Variants in VAMP8 observed in about 807,000 individuals in gnomAD.
The protein encoded by VAMP8 is vesicle associated membrane protein 8.
A neutral mutation model predicts 11.4 loss-of-function variants in VAMP8; 9 were observed. The ratio of observed to expected loss-of-function variants is 0.79; its 90% CI spans 0.48 to 1.38. The LOEUF (loss-of-function observed/expected upper bound fraction) is 1.38, where lower values mean the gene tolerates loss of function less well. Ranked by LOEUF, VAMP8 falls within the 40% of genes most tolerant of loss-of-function variation. The pLI, the probability that VAMP8 is intolerant of heterozygous loss-of-function variation, is 0.00. For synonymous variants in VAMP8, 42 were observed against 44.7 expected (o/e 0.94, Z 0.24); for missense variants, 108 against 127.8 (o/e 0.85, Z 0.75).
intron 2 of VAMP8, 105 bp from the exon 3 acceptor site, chr2:85,581,471 C>CA (rs11326680): frequency 0.037 from 45,764 of 1,236,446 alleles, 1 homozygote; most frequent in Non-Finnish European, 0.039. Context: ...GACTCCATCT[C>CA]AAAAAAAAAA....
chr2:85,579,671 C>G (rs1004433308), intron 2 of VAMP8: 1 of 1,518,026 alleles, frequency 6.6e-7, no homozygotes, highest in Non-Finnish European at 8.9e-7. Flanking sequence ...ATCCCAGGGT[C>G]CCCTGCTAGA....
intron 2 of VAMP8, among the ~76,000 whole-genome samples, chr2:85,580,231 C>T (rs1672347112): frequency 6.6e-6 from 1 of 152,126 alleles, no homozygotes; most frequent in Admixed American, 6.5e-5. Flanking sequence ...GGATTACAGA[C>T]TTGAGCCACC....
rs768980708 is a variant in VAMP8, at chr2:85,581,849, C to T, written c.*133C>T. ...GTCCTCCTACCCCTCTTCCCGAGGCCCTGCTGCCATGTTGTATGCCCCAGA... is the reference window on the plus strand; with the variant it reads ...GTCCTCCTACCCCTCTTCCCGAGGCTCTGCTGCCATGTTGTATGCCCCAGA... On this transcript the variant is annotated 3_prime_UTR_variant, in exon 3 of 3. Transcript: ENST00000263864. The T allele has an allele frequency of 2.4e-6, 3 of 1,274,396 alleles. No homozygotes were observed. Among genetic ancestry groups the T allele is most frequent in the Non-Finnish European group, 3.3e-6 (3 of 916,798 alleles). 78.9% of individuals were successfully genotyped at this position (1,274,396 alleles called of 1,614,324 possible).
At chr2:85,581,085 G>A (rs1226656591) in intron 2 of VAMP8, among the ~76,000 whole-genome samples, 2 of 152,222 alleles carry the variant, frequency 1.3e-5, no homozygotes, top group Admixed American at 1.3e-4. Flanking sequence ...GGAGGCTGAG[G>A]TGGGAGGATT....
Position 85,579,049 on chromosome 2 carries a change from A to G in VAMP8, c.44A>G (p.Asn15Ser). 6.2e-7 allele frequency: 1 copy of G among 1,608,412 alleles called. No individual in the cohort carries two copies. The highest frequency in any genetic ancestry group is 8.5e-7 in the Non-Finnish European group (1 of 1,177,030). ...GGTGGAGGAAATGATCGTGTGCGGA[A>G]CCTGCAAAGTGAGGTGGAGGGAGTT... Reference protein sequence around the residue: ...SEGGGNDRVRNLQSEVEGVKN... With the variant: ...SEGGGNDRVRSLQSEVEGVKN... The change falls in exon 2 of 3, where the codon AAC (asparagine) becomes AGC (serine). Residue 15 changes from asparagine (N) to serine (S), a missense_variant. Asn to Ser is a conservative substitution (Grantham distance 46). Coordinates refer to ENST00000263864, the MANE Select transcript of VAMP8 (RefSeq NM_003761.5).
At chr2:85,580,886 C>T (rs1162571967) in intron 2 of VAMP8, among the ~76,000 whole-genome samples, 3 of 151,742 alleles carry the variant, frequency 2.0e-5, no homozygotes, top group South Asian at 4.2e-4. Context: ...CTAGGCTGGT[C>T]GCGAACTACT....
intron 2 of VAMP8, 60 bp downstream of exon 2, chr2:85,579,227 G>C: frequency 2.7e-6 from 4 of 1,481,812 alleles, no homozygotes; most frequent in Non-Finnish European, 3.6e-6. Context: ...ATTTCTTTTT[G>C]GTGGGGCAAA....
At position 85,581,992 on chromosome 2, in the gene VAMP8, T is replaced by C; in HGVS notation, c.*276T>C. ...GGCCCAGCATGTGGCTGGGAAACTG[T>C]TGGTGGCCAGTGGGTAATAAAGACC... is the stretch of plus-strand genomic sequence containing the variant. On this transcript the variant is annotated 3_prime_UTR_variant, in exon 3 of 3. Coordinates refer to ENST00000263864, the MANE Select transcript of VAMP8 (RefSeq NM_003761.5). The C allele has an allele frequency of 2.3e-6, 1 of 430,214 alleles. No homozygotes were observed. The highest frequency in any genetic ancestry group is 4.2e-6 in the Non-Finnish European group (1 of 240,228). 26.6% of individuals were successfully genotyped at this position (430,214 alleles called of 1,614,324 possible). A position where few individuals can be genotyped will look rare whatever the true frequency, so the allele number is the denominator to read the frequency against.
At position 85,580,020 on chromosome 2, in the gene VAMP8, T is replaced by C. The variant is rs1672343665; in HGVS notation, c.162+853T>C. The C allele has an allele frequency of 3.0e-5, 39 of 1,299,912 alleles. No individual in the cohort carries two copies. In the South Asian group the frequency reaches 5.7e-4, roughly 19 times the overall value. The allele number at this position is 1,299,912 out of a possible 1,614,324, so 80.5% of individuals were successfully genotyped here. ...GCCCAGGTTAGAGTGAGTGCAATCTTGGCTCACTGCAAACTTCACCTCCTG... is the reference window on the plus strand; with the variant it reads ...GCCCAGGTTAGAGTGAGTGCAATCTCGGCTCACTGCAAACTTCACCTCCTG... On this transcript the variant is annotated intron_variant, in intron 2 of 2. Transcript: ENST00000263864.
chr2:85,580,827 C>G (rs140386252), intron 2 of VAMP8, among the ~76,000 whole-genome samples: 16 of 151,656 alleles, frequency 1.1e-4, no homozygotes, highest in Admixed American at 1.1e-3. Context: ...CCACCACACC[C>G]GGCTAATTTT....
intron 2 of VAMP8, 89 bp from the exon 3 acceptor site, chr2:85,581,486 AG>A: frequency 3.5e-6 from 5 of 1,442,238 alleles, no homozygotes; most frequent in Middle Eastern, 1.9e-4. Flanking sequence ...AAAAAAAAAA[AG>A]TATGGCCTGT....
At chr2:85,581,444 C>A in intron 2 of VAMP8, 132 bp from the exon 3 acceptor site, 2 of 1,163,808 alleles carry the variant, frequency 1.7e-6, no homozygotes, top group Non-Finnish European at 2.4e-6. Flanking sequence ...CGAGCCACTG[C>A]CTGAGTGACA....
chr2:85,578,861 T>TA, intron 1 of VAMP8, 148 bp from the exon 2 acceptor site: 2 of 827,262 alleles, frequency 2.4e-6, no homozygotes, highest in Non-Finnish European at 3.8e-6. Flanking sequence ...ATTACAGAAG[T>TA]AATACATGAA....
rs1346035877 is a variant in VAMP8, at chr2:85,577,667, T to A, written c.3+18T>A. 1 of 1,545,918 alleles carries A rather than the reference T, an allele frequency of 6.5e-7. No individual in the cohort carries two copies. The highest frequency in any genetic ancestry group is 2.5e-5 in the East Asian group (1 of 40,564). On this transcript the variant is annotated intron_variant, in intron 1 of 2. Coordinates refer to ENST00000263864, the MANE Select transcript of VAMP8 (RefSeq NM_003761.5). ...GAGACATGGTGAGCCAACTGGGAACTAGGAAAGGGCTGGTTTAAAGAGGAG... is the reference window on the plus strand; with the variant it reads ...GAGACATGGTGAGCCAACTGGGAACAAGGAAAGGGCTGGTTTAAAGAGGAG...
chr2:85,581,205 C>T (rs899503655), intron 2 of VAMP8, among the ~76,000 whole-genome samples: 4 of 151,724 alleles, frequency 2.6e-5, no homozygotes, highest in Non-Finnish European at 4.4e-5. Flanking sequence ...CAAGGCCAGG[C>T]GTGGTGGCTT....
rs190167807 is a variant in VAMP8 at position 85,577,729 on chromosome 2, G to A, written c.3+80G>A. 4.8e-5 allele frequency: 74 copies of A among 1,547,276 alleles called. No individual in the cohort carries two copies. In the African/African-American group the frequency reaches 8.8e-4, roughly 18 times the overall value. ...TTGGGACTGGGGGTTGGCTGTGTCG[G>A]GGGAGGAGAGTTGGTGGCAAAGTTA... On this transcript the variant is annotated intron_variant, in intron 1 of 2. Coordinates refer to ENST00000263864, the MANE Select transcript of VAMP8 (RefSeq NM_003761.5).
chr2:85,579,294 C>A, intron 2 of VAMP8, 127 bp downstream of exon 2: 1 of 1,046,498 alleles, frequency 9.6e-7, no homozygotes, highest in Non-Finnish European at 1.4e-6. Context: ...GGTTTGGGAG[C>A]TGATGTGAGC....
chr2:85,579,880 G>C, intron 2 of VAMP8: 3 of 1,550,120 alleles, frequency 1.9e-6, no homozygotes, highest in Non-Finnish European at 2.6e-6. Context: ...CTTGGGTATT[G>C]CTCCCTTGTC....
intron 2 of VAMP8, chr2:85,579,906 G>T: frequency 5.2e-6 from 8 of 1,540,788 alleles, no homozygotes; most frequent in Non-Finnish European, 7.0e-6. Context: ...GGGGCTCATT[G>T]CCTGTTTCTG....
Sources: allele counts gnomAD v4.1 joint callset (sites outside exome capture counted in the v4.1 genomes callset), GRCh38; gene constraint gnomAD v4.1.1; transcripts MANE v1.5; gene names NCBI Gene and HGNC (gene_info 2026-07-23, HGNC 2026-07-21).